The following FHOD3 variants were observed in gnomAD, a reference collection of about 807,000 sequenced individuals.
The protein encoded by FHOD3 is FH1/FH2 domain-containing protein 3.
Under a neutral mutation model 173.0 loss-of-function variants are expected in FHOD3, and 90 were observed. The ratio of observed to expected loss-of-function variants is 0.52; its 90% CI spans 0.44 to 0.62. The LOEUF (loss-of-function observed/expected upper bound fraction) is 0.62. FHOD3 is among the 20% of genes least tolerant of loss of function. The pLI is 0.00. For synonymous variants in FHOD3, 828 were observed against 823.0 expected, an observed-to-expected ratio of 1.01 and a Z score of -0.10; for missense variants, 1,945 against 2,034.7, an observed-to-expected ratio of 0.96 and a Z score of 0.85.
chr18:36,506,080 T>A (rs1383220842), intron 4 of FHOD3, among the ~76,000 whole-genome samples: 1 of 152,216 alleles, frequency 6.6e-6, no homozygotes, highest in Non-Finnish European at 1.5e-5. Context: ...ATGGCAAGAT[T>A]TTGTTTTCCT....
chr18:36,675,183 G>A (rs557441473), intron 14 of FHOD3, among the ~76,000 whole-genome samples: 12 of 152,132 alleles, frequency 7.9e-5, no homozygotes, highest in South Asian at 4.2e-4. Context: ...GGCCACCTCC[G>A]TGCACCAGAA....
chr18:36,318,073 A>G (rs1371875538), intron 1 of FHOD3, among the ~76,000 whole-genome samples: 1 of 152,074 alleles, frequency 6.6e-6, no homozygotes, highest in Non-Finnish European at 1.5e-5. Flanking sequence ...GTTCTGTTCC[A>G]TTGGTCTATG....
chr18:36,749,751 T>A (rs2042320519), intron 24 of FHOD3, among the ~76,000 whole-genome samples: 2 of 152,222 alleles, frequency 1.3e-5, no homozygotes, highest in Non-Finnish European at 2.9e-5. Flanking sequence ...CTTTGAAGAA[T>A]CACCATACTG....
At chr18:36,567,922 C>T (rs971979483) in intron 5 of FHOD3, among the ~76,000 whole-genome samples, 3 of 151,958 alleles carry the variant, frequency 2.0e-5, no homozygotes, top group African/African-American at 7.3e-5. Context: ...TCTGGTTTTT[C>T]CTTCTCTGTT....
chr18:36,395,014 A>G (rs569337804), intron 3 of FHOD3, among the ~76,000 whole-genome samples: 1 of 152,210 alleles, frequency 6.6e-6, no homozygotes, highest in African/African-American at 2.4e-5. Context: ...CTACCCCTAC[A>G]TGTCCAGGTT....
At chr18:36,456,786 A>G (rs948462013) in intron 3 of FHOD3, among the ~76,000 whole-genome samples, 1 of 152,134 alleles carries the variant, frequency 6.6e-6, no homozygotes, top group African/African-American at 2.4e-5. Flanking sequence ...TTGCCTGCCC[A>G]TGTAAAGCAG....
chr18:36,484,523 C>G (rs1159301173), intron 3 of FHOD3, among the ~76,000 whole-genome samples: 2 of 152,070 alleles, frequency 1.3e-5, no homozygotes, highest in Non-Finnish European at 2.9e-5. Flanking sequence ...AATCTAGTAG[C>G]CTTAAGTCTC....
In FHOD3 at chr18:36,297,924, T is replaced by A. The variant is rs1489688603; in HGVS notation, c.89T>A (p.Leu30Gln). ...TTCCCCGAGCCCAGCCGGCCGCCGC[T>A]GTTCACGTTCCGCGAGGACCTCGCG... The part of the protein sequence containing the change: ...TNFPEPSRPP[L>Q]FTFREDLALG... The change falls in exon 1 of 29, where the codon CTG (leucine) becomes CAG (glutamine). Residue 30 changes from leucine to glutamine, a missense_variant. Transcript: ENST00000590592. 1.3e-6 allele frequency: 2 copies of A among 1,564,160 alleles called. No homozygotes were observed. The highest frequency in any genetic ancestry group is 1.9e-5 in the Admixed American group (1 of 53,636).
intron 5 of FHOD3, among the ~76,000 whole-genome samples, chr18:36,520,166 C>A (rs1244986803): frequency 2.0e-5 from 3 of 152,010 alleles, no homozygotes; most frequent in African/African-American, 4.8e-5. Flanking sequence ...ACTATGTTTC[C>A]CAGGCTGGTC....
chr18:36,694,977 G>T (rs1369740957), intron 17 of FHOD3, among the ~76,000 whole-genome samples: 3 of 40,222 alleles, frequency 7.5e-5, no homozygotes, highest in African/African-American at 2.6e-4. Flanking sequence ...GTATACGTGG[G>T]TGTGTGTGTG....
chr18:36,423,333 AG>A (rs1435937831), intron 3 of FHOD3, among the ~76,000 whole-genome samples: 8 of 152,126 alleles, frequency 5.3e-5, no homozygotes, highest in Non-Finnish European at 2.9e-5. Flanking sequence ...GGTGTGGAAA[AG>A]GAGGTTGGAA....
intron 1 of FHOD3, among the ~76,000 whole-genome samples, chr18:36,318,314 G>A (rs1568115044): frequency 6.6e-6 from 1 of 152,138 alleles, no homozygotes; most frequent in Non-Finnish European, 1.5e-5. Flanking sequence ...AATTACTTTG[G>A]GCAGTACAAC....
chr18:36,455,494 G>A (rs2052136665), intron 3 of FHOD3, among the ~76,000 whole-genome samples: 1 of 151,602 alleles, frequency 6.6e-6, no homozygotes, highest in Admixed American at 6.6e-5. Flanking sequence ...TCTTTCAAAA[G>A]AGAACTTTTT....
At chr18:36,755,092 A>T in intron 24 of FHOD3, 27 bp from the exon 25 acceptor site, 2 of 1,475,034 alleles carry the variant, frequency 1.4e-6, no homozygotes, top group Non-Finnish European at 1.8e-6. Flanking sequence ...AACGGAAGTC[A>T]TTGCTATTAC....
intron 3 of FHOD3, among the ~76,000 whole-genome samples, chr18:36,494,842 T>A (rs1024246983): frequency 6.6e-6 from 1 of 152,232 alleles, no homozygotes; most frequent in Admixed American, 6.5e-5. Context: ...TTTACTGTTA[T>A]ACTTTTTTTT....
At chr18:36,696,437 C>G (rs497652) in intron 17 of FHOD3, among the ~76,000 whole-genome samples, 73,943 of 152,084 alleles carry the variant, frequency 0.49, 18,178 homozygotes, top group East Asian at 0.67. Context: ...TTTATAACTC[C>G]TGTTTCAGAT....
At chr18:36,695,783 G>A (rs2149523390) in intron 17 of FHOD3, among the ~76,000 whole-genome samples, 1 of 152,328 alleles carries the variant, frequency 6.6e-6, no homozygotes, top group East Asian at 1.9e-4. Flanking sequence ...GTGTCACCAA[G>A]TTTTTCTCAG....
At chr18:36,673,846 A>G (rs1480293798) in intron 14 of FHOD3, among the ~76,000 whole-genome samples, 1 of 152,152 alleles carries the variant, frequency 6.6e-6, no homozygotes, top group Non-Finnish European at 1.5e-5. Flanking sequence ...AGAGGGATAT[A>G]TATTAAATAT....
chr18:36,637,841 A>G (rs1487219417), intron 10 of FHOD3, among the ~76,000 whole-genome samples: 2 of 152,208 alleles, frequency 1.3e-5, no homozygotes, highest in Non-Finnish European at 2.9e-5. Flanking sequence ...ATGGCAAACA[A>G]TTGGGGACTA....
Sources: allele counts gnomAD v4.1 joint callset (sites outside exome capture counted in the v4.1 genomes callset), GRCh38; gene constraint gnomAD v4.1.1; transcripts MANE v1.5; gene names NCBI Gene and HGNC (gene_info 2026-07-23, HGNC 2026-07-21).